The following MAGEE1 variants were observed in gnomAD, a reference collection of about 807,000 sequenced individuals.
MAGEE1 encodes melanoma-associated antigen E1.
Under a neutral mutation model 12.0 loss-of-function variants are expected in MAGEE1, and 3 were observed. That is an observed-to-expected ratio of 0.25 (90% CI 0.11 to 0.65). The LOEUF is 0.65. MAGEE1 is among the 30% of genes least tolerant of loss of function. The pLI, the probability that MAGEE1 is intolerant of heterozygous loss-of-function variation, is 0.84. For missense variants in MAGEE1, 729 were observed against 772.2 expected, an observed-to-expected ratio of 0.94 and a Z score of 0.66; for synonymous variants, 414 against 326.1, an observed-to-expected ratio of 1.27 and a Z score of -2.91.
Position 76,428,740 on chromosome X carries a change from C to A in MAGEE1, c.810C>A (p.Thr270=). 8.3e-7 allele frequency: 1 copy of A among 1,210,554 alleles called. No homozygotes were observed. The highest frequency in any genetic ancestry group is 1.1e-6 in the Non-Finnish European group (1 of 895,194). The change falls in exon 1 of 1, where the codon ACC becomes ACA. Residue 270 remains threonine, a synonymous_variant. Transcript: ENST00000361470. Reference sequence around the variant, plus strand: ...CCACTCCTGGTGAGGGACCGAGCACCTCCGTGCTGCCCGCCGCCTCTGACG... The same window carrying A: ...CCACTCCTGGTGAGGGACCGAGCACATCCGTGCTGCCCGCCGCCTCTGACG... The part of the protein sequence containing the change: ...VPATPGEGPS[T]SVLPAASDGQ...
rs375230391 is a variant in MAGEE1 at position 76,428,036 on chromosome X, C to T, written c.106C>T (p.Leu36Phe). 214 of 1,185,974 alleles carry T rather than the reference C, an allele frequency of 1.8e-4. 1 individual carries two copies. The highest frequency in any genetic ancestry group is 2.3e-4 in the Non-Finnish European group (207 of 882,865). ...AATGCAGGCCCCTAATGCCCCCGGT[C>T]TCCCCGCTGATGTGCCAGGCTCAGA... ...GEMQAPNAPG[L>F]PADVPGSDVP... The change falls in exon 1 of 1, where the codon CTC becomes TTC. Residue 36 changes from leucine (L) to phenylalanine (F), a missense_variant. Physicochemically the swap from Leu to Phe is conservative, Grantham distance 22. This residue lies in a region of MAGEE1 where 473 missense variants were observed against 423.7 expected (regional missense o/e 1.12). Transcript: ENST00000361470.
In MAGEE1 at chrX:76,427,904, T is replaced by C. The variant is rs781838216; in HGVS notation, c.-27T>C. 1 of 1,171,819 alleles carries C rather than the reference T, an allele frequency of 8.5e-7. No individual in the cohort carries two copies. Among genetic ancestry groups the C allele is most frequent in the East Asian group, 3.0e-5 (1 of 33,545 alleles). Reference sequence around the variant, plus strand: ...TCGCGGGCCTGTCGGTGTCTGCTCCTACACGCCAACGCCGGTGGGCAGGAC... The same window carrying C: ...TCGCGGGCCTGTCGGTGTCTGCTCCCACACGCCAACGCCGGTGGGCAGGAC... On this transcript the variant is annotated 5_prime_UTR_variant, in exon 1 of 1. Transcript: ENST00000361470.
rs782711133 is a variant in MAGEE1, at chrX:76,428,197, C to A, written c.267C>A (p.Ser89Arg). ...FVPPTISEAS[S>R]ASGQPTISEG... ...CGCCCACCATCTCTGAGGCCTCAAG[C>A]GCCTCCGGGCAGCCCACCATCTCTG... is the stretch of plus-strand genomic sequence containing the variant. The change falls in exon 1 of 1, where the codon AGC becomes AGA. Residue 89 changes from serine to arginine, a missense_variant. Coordinates refer to ENST00000361470, the MANE Select transcript of MAGEE1 (RefSeq NM_020932.3). The A allele has an allele frequency of 8.3e-7, 1 of 1,210,813 alleles. No individual in the cohort carries two copies. The highest frequency in any genetic ancestry group is 3.0e-5 in the East Asian group (1 of 33,777).
In MAGEE1 at chrX:76,429,356, C is replaced by A. The variant is rs782578239; in HGVS notation, c.1426C>A (p.Leu476Ile). The A allele has an allele frequency of 4.1e-6, 5 of 1,209,686 alleles. No homozygotes were observed. The Admixed American group carries it at 6.6e-5, about 16-fold the overall frequency. ...CCCCAACTCCATTAGTATTATGGGC[C>A]TCAATACTTCCCGGGTTGCAATTAC... ...ESPNSISIMG[L>I]NTSRVAITLK... Residue 476 changes from leucine (L) to isoleucine (I), a missense_variant, in exon 1 of 1, where the codon CTC (leucine) becomes ATC (isoleucine). Leu to Ile is a conservative substitution (Grantham distance 5). Around this residue, in one of 4 missense-constraint regions of MAGEE1, gnomAD observed 473 missense variants for 423.7 expected, o/e 1.12. Coordinates refer to ENST00000361470, the MANE Select transcript of MAGEE1 (RefSeq NM_020932.3).
rs1368986391 is a variant in MAGEE1, at chrX:76,431,067, T to C, written c.*263T>C. ...GTTTTGATAGCTCTATAAAATGTTT[T>C]GGAAATCTTTCCATCTTGTTGCATT... is the stretch of plus-strand genomic sequence containing the variant. On this transcript the variant is annotated 3_prime_UTR_variant, in exon 1 of 1. Transcript: ENST00000361470. 3.4e-5 allele frequency: 11 copies of C among 325,745 alleles called. No individual in the cohort carries two copies. Among genetic ancestry groups the C allele is most frequent in the Admixed American group, 2.2e-4 (4 of 18,257 alleles). 26.8% of individuals were successfully genotyped at this position (325,745 alleles called of 1,213,427 possible).
Position 76,430,682 on chromosome X carries a change from G to A in MAGEE1, c.2752G>A (p.Val918Met), listed in dbSNP as rs1556839976. The change falls in exon 1 of 1, where the codon GTG becomes ATG. Residue 918 changes from valine to methionine, a missense_variant. This residue lies in a region of MAGEE1 where 101 missense variants were observed against 161.3 expected (regional missense o/e 0.63). Coordinates refer to ENST00000361470, the MANE Select transcript of MAGEE1 (RefSeq NM_020932.3). ...ETSKMKALRY[V>M]ARIHRKEPQD... ...CTCTAAGATGAAAGCCTTGCGATAT[G>A]TGGCCAGAATCCACAGAAAGGAACC... 8.3e-7 allele frequency: 1 copy of A among 1,211,753 alleles called. No homozygotes were observed. The highest frequency in any genetic ancestry group is 1.1e-6 in the Non-Finnish European group (1 of 895,544).
Position 76,429,581 on chromosome X carries a change from C to T in MAGEE1, c.1651C>T (p.Leu551Phe). 8.3e-7 allele frequency: 1 copy of T among 1,211,458 alleles called. No individual in the cohort carries two copies. The highest frequency in any genetic ancestry group is 1.1e-6 in the Non-Finnish European group (1 of 895,452). ...CATTTTTAGGTTTGAATTGAGAGAACTTGACCCTGAGGCACACACCTACAT... is the reference window on the plus strand; with the variant it reads ...CATTTTTAGGTTTGAATTGAGAGAATTTGACCCTGAGGCACACACCTACAT... ...ECIFRFELRE[L>F]DPEAHTYILL... The change falls in exon 1 of 1, where the codon CTT becomes TTT. Residue 551 changes from leucine (L) to phenylalanine (F), a missense_variant. Transcript: ENST00000361470.
chrX:76,430,856 A>G lies in MAGEE1; in HGVS notation c.*52A>G. 4.9e-6 allele frequency: 1 copy of G among 203,250 alleles called. No individual in the cohort carries two copies. The highest frequency in any genetic ancestry group is 8.2e-5 in the South Asian group (1 of 12,160). The allele number at this position is 203,250 out of a possible 1,213,427, so 16.8% of individuals were successfully genotyped here. ...TTGCAAGGAGGGGCCTTTGAGCCTC[A>G]GTTCTCATGTATTGGGGGGTGGGGG... On this transcript the variant is annotated 3_prime_UTR_variant, in exon 1 of 1. Coordinates refer to ENST00000361470, the MANE Select transcript of MAGEE1 (RefSeq NM_020932.3).
Position 76,428,556 on chromosome X carries a change from G to A in MAGEE1, c.626G>A (p.Gly209Asp). 1.7e-6 allele frequency: 2 copies of A among 1,207,996 alleles called. No individual in the cohort carries two copies. The highest frequency in any genetic ancestry group is 3.0e-5 in the East Asian group (1 of 33,702). Reference protein sequence around the residue: ...SVLPTPGEGPGTSVPLAATEG... With the variant: ...SVLPTPGEGPDTSVPLAATEG... ...CTGCCTACACCTGGTGAGGGACCAG[G>A]CACCTCCGTGCCGCTCGCCGCCACT... Residue 209 changes from glycine (G) to aspartate (D), a missense_variant, in exon 1 of 1, where the codon GGC becomes GAC. Physicochemically the swap from Gly to Asp is moderately conservative, Grantham distance 94. Coordinates refer to ENST00000361470, the MANE Select transcript of MAGEE1 (RefSeq NM_020932.3).
Position 76,429,593 on chromosome X carries a change from G to A in MAGEE1, c.1663G>A (p.Ala555Thr). 2.5e-6 allele frequency: 3 copies of A among 1,211,213 alleles called. No individual in the cohort carries two copies. Among genetic ancestry groups the A allele is most frequent in the Non-Finnish European group, 3.4e-6 (3 of 895,318 alleles). ...RFELRELDPE[A>T]HTYILLNKLG... ...TGAATTGAGAGAACTTGACCCTGAGGCACACACCTACATTCTGTTAAACAA... is the reference window on the plus strand; with the variant it reads ...TGAATTGAGAGAACTTGACCCTGAGACACACACCTACATTCTGTTAAACAA... The change falls in exon 1 of 1, where the codon GCA becomes ACA. Residue 555 changes from alanine (A) to threonine (T), a missense_variant. Transcript: ENST00000361470.
rs1923311981 is a variant in MAGEE1 at position 76,429,042 on chromosome X, C to T, written c.1112C>T (p.Thr371Ile). ...GEGLSTSVPP[T>I]ASDGSDTSVP... ...GGACTGAGCACCTCTGTGCCGCCCACCGCCTCTGATGGATCGGACACCTCC... is the reference window on the plus strand; with the variant it reads ...GGACTGAGCACCTCTGTGCCGCCCATCGCCTCTGATGGATCGGACACCTCC... Residue 371 changes from threonine (T) to isoleucine (I), a missense_variant, in exon 1 of 1, where the codon ACC becomes ATC. Around this residue, in one of 4 missense-constraint regions of MAGEE1, gnomAD observed 473 missense variants for 423.7 expected, o/e 1.12. Transcript: ENST00000361470. 1 of 1,211,157 alleles carries T rather than the reference C, an allele frequency of 8.3e-7. No individual in the cohort carries two copies. Among genetic ancestry groups the T allele is most frequent in the African/African-American group, 1.7e-5 (1 of 57,657 alleles).
rs1382513332 is a variant in MAGEE1 at position 76,429,942 on chromosome X, T to A, written c.2012T>A (p.Phe671Tyr). 3 of 1,208,666 alleles carry A rather than the reference T, an allele frequency of 2.5e-6. No individual in the cohort carries two copies. The highest frequency in any genetic ancestry group is 3.4e-6 in the Non-Finnish European group (3 of 894,907). The stretch of plus-strand genomic sequence containing the variant: ...ACCACCAAGATGAAAATTCTGAAGT[T>A]CATGGCGAAAATATATAACAAAGAT... ...LETTKMKILK[F>Y]MAKIYNKDPM... The change falls in exon 1 of 1, where the codon TTC becomes TAC. Residue 671 changes from phenylalanine to tyrosine, a missense_variant. Transcript: ENST00000361470.
At position 76,428,647 on chromosome X, in the gene MAGEE1, C is replaced by A. The variant is rs1923289195; in HGVS notation, c.717C>A (p.Thr239=). ...DEGPSTSVPP[T]ATEGLSTPVP... is the part of the protein sequence containing the mutation. ...GACCGAGCACCTCCGTGCCGCCCAC[C>A]GCCACTGAGGGCCTAAGCACCCCCG... The change falls in exon 1 of 1, where the codon ACC becomes ACA. Residue 239 remains threonine, a synonymous_variant. Transcript: ENST00000361470. 2.5e-6 allele frequency: 3 copies of A among 1,205,739 alleles called. No homozygotes were observed. Among genetic ancestry groups the A allele is most frequent in the East Asian group, 3.0e-5 (1 of 33,611 alleles).
chrX:76,429,489 A>G lies in MAGEE1; in HGVS notation c.1559A>G (p.Tyr520Cys). 8.3e-7 allele frequency: 1 copy of G among 1,211,720 alleles called. No homozygotes were observed. Among genetic ancestry groups the G allele is most frequent in the Non-Finnish European group, 1.1e-6 (1 of 895,541 alleles). ...YPIRESEMREYIVKEYRNQFP... is the reference protein window; with the variant it reads ...YPIRESEMRECIVKEYRNQFP... ...ATCCGGGAGTCTGAAATGCGGGAAT[A>G]TATTGTTAAAGAATATCGCAACCAG... The change falls in exon 1 of 1, where the codon TAT (tyrosine) becomes TGT (cysteine). Residue 520 changes from tyrosine (Y) to cysteine (C), a missense_variant. By Grantham distance (194) the Tyr-to-Cys change is radical (BLOSUM62 -2). Transcript: ENST00000361470.
Position 76,429,913 on chromosome X carries a change from A to G in MAGEE1, c.1983A>G (p.Leu661=), listed in dbSNP as rs782433951. 17 of 1,209,620 alleles carry G rather than the reference A, an allele frequency of 1.4e-5. No homozygotes were observed. In the East Asian group the frequency reaches 4.7e-4, roughly 34 times the overall value. Residue 661 remains leucine (L), a synonymous_variant, in exon 1 of 1, where the codon CTA becomes CTG. Transcript: ENST00000361470. ...TTTTCTGGGGCCCAAGATCCCACCTAGAAACCACCAAGATGAAAATTCTGA... is the reference window on the plus strand; with the variant it reads ...TTTTCTGGGGCCCAAGATCCCACCTGGAAACCACCAAGATGAAAATTCTGA... ...YEFFWGPRSH[L]ETTKMKILKF... is the part of the protein sequence containing the mutation.
rs782400592 is a variant in MAGEE1, at chrX:76,428,164, C to T, written c.234C>T (p.Thr78=). 63 of 1,205,920 alleles carry T rather than the reference C, an allele frequency of 5.2e-5. No individual in the cohort carries two copies. The South Asian group carries it at 1.1e-3, about 21-fold the overall frequency. Residue 78 remains threonine (T), a synonymous_variant, in exon 1 of 1, where the codon ACC becomes ACT. Transcript: ENST00000361470. ...VLPTSAEGPS[T]FVPPTISEAS... ...CCACCTCCGCTGAGGGCCCAAGCAC[C>T]TTTGTGCCGCCCACCATCTCTGAGG...
chrX:76,429,898 C>T lies in MAGEE1; in HGVS notation c.1968C>T (p.Gly656=), dbSNP rs782226380. 7.4e-6 allele frequency: 9 copies of T among 1,209,203 alleles called. No individual in the cohort carries two copies. The South Asian group carries it at 8.8e-5, about 12-fold the overall frequency. The part of the protein sequence containing the change: ...CKPVEYEFFW[G]PRSHLETTKM... ...CAGTGGAGTATGAGTTTTTCTGGGG[C>T]CCAAGATCCCACCTAGAAACCACCA... The change falls in exon 1 of 1, where the codon GGC becomes GGT. Residue 656 remains glycine, a synonymous_variant. Transcript: ENST00000361470.
chrX:76,429,154 T>C lies in MAGEE1; in HGVS notation c.1224T>C (p.Pro408=). The change falls in exon 1 of 1, where the codon CCT becomes CCC. Residue 408 remains proline (P), a synonymous_variant. Coordinates refer to ENST00000361470, the MANE Select transcript of MAGEE1 (RefSeq NM_020932.3). The part of the protein sequence containing the change: ...DGPGSSVLPN[P]GEGPSTLFSS... The stretch of plus-strand genomic sequence containing the variant: ...CGGGAAGCTCCGTGCTGCCTAACCC[T>C]GGTGAGGGCCCGAGCACATTGTTTA... 2 of 1,211,947 alleles carry C rather than the reference T, an allele frequency of 1.7e-6. No individual in the cohort carries two copies. Among genetic ancestry groups the C allele is most frequent in the Non-Finnish European group, 1.1e-6 (1 of 895,452 alleles).
chrX:76,430,860 C>A lies in MAGEE1; in HGVS notation c.*56C>A. 3.1e-6 allele frequency: 1 copy of A among 323,710 alleles called. No homozygotes were observed. Among genetic ancestry groups the A allele is most frequent in the Non-Finnish European group, 4.8e-6 (1 of 206,619 alleles). 26.7% of individuals were successfully genotyped at this position (323,710 alleles called of 1,213,427 possible). A position where few individuals can be genotyped will look rare whatever the true frequency, so the allele number is the denominator to read the frequency against. ...AAGGAGGGGCCTTTGAGCCTCAGTT[C>A]TCATGTATTGGGGGGTGGGGGTGGG... On this transcript the variant is annotated 3_prime_UTR_variant, in exon 1 of 1. Transcript: ENST00000361470.
Sources: allele counts gnomAD v4.1 joint callset, GRCh38; gene constraint gnomAD v4.1.1; regional missense constraint gnomAD v4.1.1; transcripts MANE v1.5; gene names NCBI Gene and HGNC (gene_info 2026-07-23, HGNC 2026-07-21).